THOC2: variants seen among roughly 807,000 people sequenced by gnomAD.
The protein encoded by THOC2 is THO complex 2.
Under a neutral mutation model 128.4 loss-of-function variants are expected in THOC2, and 10 were observed. The ratio of observed to expected loss-of-function variants is 0.08; its 90% confidence interval spans 0.05 to 0.13. The LOEUF is 0.13. Ranked by LOEUF, THOC2 falls within the 10% of genes least tolerant of loss-of-function variation. The pLI is 1.00. For synonymous variants in THOC2, 393 were observed against 396.9 expected, an observed-to-expected ratio of 0.99 and a Z score of 0.12; for missense variants, 535 against 1,155.7, an observed-to-expected ratio of 0.46 and a Z score of 7.79.
At chrX:123,612,053 G>C (rs1159502473) in intron 36 of THOC2, among the ~76,000 whole-genome samples, 2 of 111,362 alleles carry the variant, frequency 1.8e-5, no homozygotes, top group Admixed American at 1.9e-4. Context: ...AGAGAAATCT[G>C]CACTCTGATA....
At chrX:123,663,866 C>T (rs1185810059) in intron 12 of THOC2, among the ~76,000 whole-genome samples, 6 of 111,074 alleles carry the variant, frequency 5.4e-5, no homozygotes, top group Admixed American at 9.7e-5. Context: ...TGAGAACATG[C>T]GGTGTTTGGT....
intron 11 of THOC2, 32 bp downstream of exon 11, chrX:123,667,074 C>T: frequency 1.9e-6 from 2 of 1,050,446 alleles, no homozygotes; most frequent in Non-Finnish European, 1.3e-6. Context: ...CTATTTCTAC[C>T]TCAATGATTA....
chrX:123,720,363 A>T (rs745711774), intron 1 of THOC2, among the ~76,000 whole-genome samples: 1 of 110,972 alleles, frequency 9.0e-6, no homozygotes, highest in Non-Finnish European at 1.9e-5. Context: ...CAGGAGAATC[A>T]CTTGAGCCCA....
Position 123,607,119 on chromosome X carries a change from A to G in THOC2, c.*18+3799T>C, listed in dbSNP as rs768993927. Among the ~76,000 whole-genome samples the G allele has an allele frequency of 2.7e-5, 3 of 111,470 alleles. No homozygotes were observed. In the Admixed American group the frequency reaches 2.9e-4, roughly 11 times the overall value. Reference sequence around the variant, plus strand: ...GGCAAAGGAACTAGTAATCTTCAAGAGACTAAATCAAGGAGAGGCAAGATG... The same window carrying G: ...GGCAAAGGAACTAGTAATCTTCAAGGGACTAAATCAAGGAGAGGCAAGATG... On this transcript the variant is annotated intron_variant, in intron 38 of 38. Transcript: ENST00000245838.
intron 12 of THOC2, among the ~76,000 whole-genome samples, chrX:123,655,010 T>G (rs186638196): frequency 1.3e-4 from 14 of 110,834 alleles, no homozygotes; most frequent in Admixed American, 5.8e-4. Flanking sequence ...TTTTTATTAC[T>G]AATGATCTAT....
chrX:123,690,033 C>T (rs185668963), intron 7 of THOC2, among the ~76,000 whole-genome samples: 1 of 111,387 alleles, frequency 9.0e-6, no homozygotes, highest in East Asian at 2.8e-4. Flanking sequence ...TACACACACA[C>T]ACACAAACAC....
At chrX:123,708,992 C>G (rs930056247) in intron 2 of THOC2, among the ~76,000 whole-genome samples, 2 of 111,719 alleles carry the variant, frequency 1.8e-5, no homozygotes, top group Non-Finnish European at 3.8e-5. Flanking sequence ...AGTGATCCAC[C>G]CGCTTTGGCC....
At position 123,623,804 on chromosome X, in the gene THOC2, T is replaced by C; in HGVS notation, c.3486A>G (p.Leu1162=). 2.5e-6 allele frequency: 3 copies of C among 1,208,855 alleles called. No homozygotes were observed. Among genetic ancestry groups the C allele is most frequent in the Non-Finnish European group, 2.2e-6 (2 of 894,125 alleles). The part of the protein sequence containing the change: ...CQEEKEKRPD[L]YALAMGYSGQ... The stretch of plus-strand genomic sequence containing the variant: ...TTTGTTACCCCATAGCCAATGCATA[T>C]AGATCTGGCCTCTTCTCTTTTTCTT... The change falls in exon 28 of 39, where the codon CTA becomes CTG. Residue 1162 remains leucine (L), a synonymous_variant. Transcript: ENST00000245838.
At chrX:123,684,382 T>C (rs1436147815) in intron 8 of THOC2, among the ~76,000 whole-genome samples, 1 of 111,749 alleles carries the variant, frequency 8.9e-6, no homozygotes, top group Non-Finnish European at 1.9e-5. Context: ...TCTTTCCCAA[T>C]ACCAAGAGTG....
At chrX:123,637,515 C>A (rs1395149543) in intron 18 of THOC2, among the ~76,000 whole-genome samples, 9 of 111,376 alleles carry the variant, frequency 8.1e-5, no homozygotes, top group African/African-American at 2.9e-4. Context: ...AATCCCAGCA[C>A]TTTGGGAGCC....
rs1246254611 is a variant in THOC2, at chrX:123,633,971, T to C, written c.2118A>G (p.Gly706=). The change falls in exon 20 of 39, where the codon GGA becomes GGG. Residue 706 remains glycine, a synonymous_variant. Coordinates refer to ENST00000245838, the MANE Select transcript of THOC2 (RefSeq NM_001081550.2). ...TTCTTACCTCAGCTTTTAGCTGCTC[T>C]CCACCAGTCATAGCCTCTAGTTGCT... ...TMEQLEAMTG[G]EQLKAEGGYF... 6 of 1,192,375 alleles carry C rather than the reference T, an allele frequency of 5.0e-6. No homozygotes were observed. The South Asian group carries it at 9.2e-5, about 18-fold the overall frequency.
At chrX:123,644,426 CA>C (rs2048045906) in intron 15 of THOC2, 148 bp downstream of exon 15, 1 of 344,731 alleles carries the variant, frequency 2.9e-6, no homozygotes. Flanking sequence ...CCACAGTTAA[CA>C]GTCATTCCAT....
intron 38 of THOC2, among the ~76,000 whole-genome samples, chrX:123,609,945 C>T (rs749649818): frequency 9.0e-6 from 1 of 110,703 alleles, no homozygotes; most frequent in Non-Finnish European, 1.9e-5. Flanking sequence ...AGGAGAATCG[C>T]TTGGACCTGG....
At chrX:123,723,973 A>G (rs2051825265) in intron 1 of THOC2, among the ~76,000 whole-genome samples, 1 of 111,680 alleles carries the variant, frequency 9.0e-6, no homozygotes, top group Admixed American at 9.6e-5. Flanking sequence ...TAAGCTCTAT[A>G]TTGAGGTTTC....
intron 33 of THOC2, among the ~76,000 whole-genome samples, chrX:123,616,332 TCAATA>T (rs1210119634): frequency 1.8e-5 from 2 of 111,388 alleles, no homozygotes; most frequent in East Asian, 2.8e-4. Context: ...CAGTGAATAC[TCAATA>T]CAAGTTTGAC....
At chrX:123,684,231 C>T (rs2049914144) in intron 8 of THOC2, among the ~76,000 whole-genome samples, 1 of 111,775 alleles carries the variant, frequency 8.9e-6, no homozygotes, top group Non-Finnish European at 1.9e-5. Flanking sequence ...AACCCACAGT[C>T]TCCAAAGCCC....
intron 38 of THOC2, among the ~76,000 whole-genome samples, chrX:123,607,434 C>G (rs1003628004): frequency 9.9e-6 from 1 of 101,423 alleles, no homozygotes; most frequent in Non-Finnish European, 2.0e-5. Context: ...TACTACCATG[C>G]CTAGCTAAGT....
At chrX:123,649,167 G>A (rs1164952500) in intron 12 of THOC2, among the ~76,000 whole-genome samples, 1 of 112,268 alleles carries the variant, frequency 8.9e-6, no homozygotes, top group Non-Finnish European at 1.9e-5. Flanking sequence ...GAGCTACCCA[G>A]GCAAACAGGG....
At chrX:123,717,756 C>T (rs2051493605) in intron 1 of THOC2, among the ~76,000 whole-genome samples, 1 of 108,870 alleles carries the variant, frequency 9.2e-6, no homozygotes, top group Admixed American at 9.8e-5. Flanking sequence ...GCTAAAGTAT[C>T]ACACTATTTG....
Sources: gnomAD v4.1 joint callset for allele counts (sites outside exome capture counted in the v4.1 genomes callset) on GRCh38, gnomAD v4.1.1 for gene constraint, MANE v1.5 for transcripts, NCBI Gene and HGNC (gene_info 2026-07-23, HGNC 2026-07-21) for gene names.